GREB1: variants seen among roughly 807,000 people sequenced by gnomAD.
GREB1 encodes protein GREB1.
In GREB1, 106 loss-of-function variants were observed where a neutral mutation model predicts 200.7. That is an observed-to-expected ratio of 0.53 (90% CI 0.45 to 0.62). GREB1 has a LOEUF of 0.62. Among genes scored for constraint, GREB1 ranks in the 20% least tolerant of loss-of-function variants. The pLI is 0.00. For missense variants in GREB1, 2,243 were observed against 2,556.8 expected (o/e 0.88, Z 2.65); for synonymous variants, 1,132 against 1,092.4 (o/e 1.04, Z -0.72).
intron 1 of GREB1, among the ~76,000 whole-genome samples, chr2:11,499,595 A>G (rs1407041153): frequency 1.3e-5 from 2 of 152,244 alleles, no homozygotes; most frequent in African/African-American, 2.4e-5. Flanking sequence ...TTGTTGATTT[A>G]TTTATCTGAT....
chr2:11,539,026 CT>C (rs1414248847), intron 1 of GREB1, among the ~76,000 whole-genome samples: 8 of 33,636 alleles, frequency 2.4e-4, no homozygotes, highest in African/African-American at 3.4e-4. Flanking sequence ...CCCTTCTCTT[CT>C]CTTCTCTTCT....
upstream of GREB1, among the ~76,000 whole-genome samples, chr2:11,532,579 GCAGA>G (rs1162520329): frequency 6.6e-6 from 1 of 152,204 alleles, no homozygotes; most frequent in African/African-American, 2.4e-5. Context: ...GATTGCCGCA[GCAGA>G]CAATGATGAA....
chr2:11,485,237 A>ATTTATTTTATTTTAT (rs1175054636), intron 1 of GREB1, among the ~76,000 whole-genome samples: 1 of 148,688 alleles, frequency 6.7e-6, no homozygotes, highest in African/African-American at 2.5e-5. Context: ...TAGAAGCAAC[A>ATTTATTTTATTTTAT]TTTATTTTAT....
rs1048261104 is a variant in GREB1, at chr2:11,629,518, G to A, written c.4450-430G>A. 1.3e-5 allele frequency among the ~76,000 whole-genome samples: 2 copies of A among 152,214 alleles called. No individual in the cohort carries two copies. The highest frequency in any genetic ancestry group is 1.5e-5 in the Non-Finnish European group (1 of 68,046). On this transcript the variant is annotated intron_variant, in intron 25 of 32. Transcript: ENST00000381486. This position sits in a 1 kb window ranked among gnomAD's most constrained non-coding sequence, Gnocchi z 5.2. ...GTGCCTGGCGAGCCGTGTTATAGGA[G>A]TGTCCAAGCATATGCAGCTAGTGTT...
intron 1 of GREB1, chr2:11,539,795 A>ATTTTTT (rs66629142): frequency 1.2e-4 from 14 of 121,260 alleles, no homozygotes; most frequent in African/African-American, 4.2e-4. Context: ...CTACTGCTGA[A>ATTTTTT]TTTTTTTTTT....
intron 1 of GREB1, among the ~76,000 whole-genome samples, chr2:11,540,385 C>T (rs1350112438): frequency 2.0e-5 from 3 of 152,110 alleles, no homozygotes; most frequent in Admixed American, 6.5e-5. Context: ...CTGCTTGGGC[C>T]CTGCCTGGTT....
At chr2:11,506,318 A>G (rs1207335329) in intron 1 of GREB1, among the ~76,000 whole-genome samples, 3 of 152,186 alleles carry the variant, frequency 2.0e-5, no homozygotes, top group Admixed American at 2.0e-4. Context: ...CCAGGGTCAA[A>G]TGGTTTATCT....
chr2:11,536,118 A>T (rs1674282775), intron 1 of GREB1, among the ~76,000 whole-genome samples: 1 of 152,198 alleles, frequency 6.6e-6, no homozygotes, highest in African/African-American at 2.4e-5. Context: ...TGGAGCATAC[A>T]CAGGAGTGGT....
chr2:11,640,599 G>GC lies in GREB1; in HGVS notation c.*150dup, dbSNP rs1299990132. On this transcript the variant is annotated 3_prime_UTR_variant, in exon 33 of 33. Coordinates refer to ENST00000381486, the MANE Select transcript of GREB1 (RefSeq NM_014668.4). This position sits in a 1 kb window ranked among gnomAD's most constrained non-coding sequence, Gnocchi z 4.6. The stretch of plus-strand genomic sequence containing the variant: ...GTGCAGCCCCTCCTAGTACACATGG[G>GC]CCCCCGAGGCCGTGGTCCTGGGAGC... The GC allele has an allele frequency of 4.7e-5, 41 of 865,066 alleles. No individual in the cohort carries two copies. The East Asian group carries it at 1.0e-3, about 22-fold the overall frequency. 53.6% of individuals were successfully genotyped at this position (865,066 alleles called of 1,614,324 possible). A position where few individuals can be genotyped will look rare whatever the true frequency, so the allele number is the denominator to read the frequency against.
At chr2:11,566,083 A>G (rs932149363) in intron 3 of GREB1, among the ~76,000 whole-genome samples, 4 of 151,942 alleles carry the variant, frequency 2.6e-5, no homozygotes, top group African/African-American at 9.7e-5. Flanking sequence ...CAGGGGCACA[A>G]TCTCAGCTCA....
chr2:11,568,109 T>C (rs1157107513), intron 4 of GREB1, among the ~76,000 whole-genome samples: 1 of 152,208 alleles, frequency 6.6e-6, no homozygotes, highest in East Asian at 1.9e-4. Context: ...TGAGAATTTA[T>C]GGGAAAAACT....
At position 11,556,702 on chromosome 2, in the gene GREB1, A is replaced by T; in HGVS notation, c.88A>T (p.Asn30Tyr). 1.2e-6 allele frequency: 2 copies of T among 1,614,096 alleles called. No homozygotes were observed. The highest frequency in any genetic ancestry group is 2.2e-5 in the South Asian group (2 of 91,070). The change falls in exon 2 of 33, where the codon AAC (asparagine) becomes TAC (tyrosine). Residue 30 changes from asparagine (N) to tyrosine (Y), a missense_variant. Physicochemically the swap from Asn to Tyr is moderately radical, Grantham distance 143. Transcript: ENST00000381486. ...CATCGAGGCATCCCTGCGGTCCAAC[A>T]ACCTGGTGCCCAGGCCCATCTTTTC... is the stretch of plus-strand genomic sequence containing the variant. ...NSIEASLRSN[N>Y]LVPRPIFSQL...
chr2:11,606,212 T>A (rs1248296231), intron 17 of GREB1, among the ~76,000 whole-genome samples: 6 of 152,232 alleles, frequency 3.9e-5, no homozygotes, highest in African/African-American at 1.4e-4. Context: ...ATTTTTGATT[T>A]GCATTTGGTT....
At position 11,634,215 on chromosome 2, in the gene GREB1, C is replaced by G. The variant is rs1333360587; in HGVS notation, c.5076C>G (p.Ala1692=). Residue 1692 remains alanine (A), a synonymous_variant, in exon 29 of 33, where the codon GCC becomes GCG. Transcript: ENST00000381486. The part of the protein sequence containing the change: ...IEAAPDIMHY[A]LLGLRKWSSK... ...CGGCCCCCGACATCATGCACTACGCCCTGCTGGGCCTGCGGAAGTGGTCCA... is the reference window on the plus strand; with the variant it reads ...CGGCCCCCGACATCATGCACTACGCGCTGCTGGGCCTGCGGAAGTGGTCCA... 6.2e-7 allele frequency: 1 copy of G among 1,614,110 alleles called. No individual in the cohort carries two copies. Among genetic ancestry groups the G allele is most frequent in the Non-Finnish European group, 8.5e-7 (1 of 1,180,044 alleles).
intron 1 of GREB1, among the ~76,000 whole-genome samples, chr2:11,546,238 C>T (rs1256194243): frequency 1.3e-5 from 2 of 151,986 alleles, no homozygotes; most frequent in East Asian, 1.9e-4. Context: ...TTACTTCCCA[C>T]GCCCCCTCCC....
Position 11,538,770 on chromosome 2 carries a change from TCCTTCCCG to T in GREB1, c.-162+4517_-162+4524del, listed in dbSNP as rs1423376700. Among the ~76,000 whole-genome samples, 103 of 25,120 alleles carry T rather than the reference TCCTTCCCG, an allele frequency of 4.1e-3. 5 individuals are homozygous for T. Among genetic ancestry groups the T allele is most frequent in the African/African-American group, 7.9e-3 (97 of 12,288 alleles). 16.5% of individuals were successfully genotyped at this position (25,120 alleles called of 152,430 possible). On this transcript the variant is annotated intron_variant, in intron 1 of 32. Transcript: ENST00000381486. ...TTCTTTCCTTCCTTTCTTCCTTCCT[TCCTTCCCG>T]TCTTCCTTCCTTCCTTCCCTTCTTT...
chr2:11,508,999 C>CGAGT (rs1673268039), intron 1 of GREB1, among the ~76,000 whole-genome samples: 1 of 151,566 alleles, frequency 6.6e-6, no homozygotes, highest in Non-Finnish European at 1.5e-5. Context: ...CTCAGCCTCC[C>CGAGT]GAGTAGCTGG....
intron 17 of GREB1, among the ~76,000 whole-genome samples, chr2:11,603,308 G>T (rs1357370225): frequency 6.6e-6 from 1 of 152,186 alleles, no homozygotes; most frequent in African/African-American, 2.4e-5. Context: ...GCATGAGCTG[G>T]TTTCTACCCG....
chr2:11,530,696 G>T (rs59332779), upstream of GREB1, among the ~76,000 whole-genome samples: 24,086 of 152,110 alleles, frequency 0.16, 2,023 homozygotes, highest in East Asian at 0.23. Context: ...AGGACAAGAA[G>T]GGGACTTCAA....
Sources: allele counts gnomAD v4.1 joint callset (sites outside exome capture counted in the v4.1 genomes callset), GRCh38; gene constraint gnomAD v4.1.1; non-coding constraint Gnocchi (gnomAD v3.1); transcripts MANE v1.5; gene names NCBI Gene and HGNC (gene_info 2026-07-23, HGNC 2026-07-21).